Variants in DCDC1 observed in about 807,000 individuals in gnomAD.
DCDC1 encodes the protein doublecortin domain-containing protein 1.
Under a neutral mutation model 178.3 loss-of-function variants are expected in DCDC1, and 200 were observed. The ratio of observed to expected loss-of-function variants is 1.12; its 90% CI spans 1.00 to 1.26. The LOEUF is 1.26. Ranked by LOEUF, DCDC1 falls within the 50% of genes most tolerant of loss-of-function variation. The pLI is 0.00. For synonymous variants in DCDC1, 690 were observed against 604.8 expected (o/e 1.14, Z -2.07); for missense variants, 1,983 against 1,749.2 (o/e 1.13, Z -2.38).
At chr11:31,162,138 A>G (rs1006706741) in intron 9 of DCDC1, among the ~76,000 whole-genome samples, 1 of 152,202 alleles carries the variant, frequency 6.6e-6, no homozygotes, top group African/African-American at 2.4e-5. Flanking sequence ...GTAAGTAAAG[A>G]AACTATGCAT....
chr11:31,020,862 A>T (rs1320348966), intron 20 of DCDC1, among the ~76,000 whole-genome samples: 2 of 152,228 alleles, frequency 1.3e-5, no homozygotes, highest in Middle Eastern at 3.2e-3. Context: ...AAATATTTGT[A>T]ACTCAAATCA....
At chr11:31,086,893 C>A (rs1050634956) in intron 17 of DCDC1, among the ~76,000 whole-genome samples, 1 of 152,076 alleles carries the variant, frequency 6.6e-6, no homozygotes, top group Non-Finnish European at 1.5e-5. Flanking sequence ...ATAATGCTGA[C>A]CCCCTAGAAT....
At chr11:31,086,420 T>A (rs1957478616) in intron 17 of DCDC1, among the ~76,000 whole-genome samples, 1 of 152,196 alleles carries the variant, frequency 6.6e-6, no homozygotes, top group African/African-American at 2.4e-5. Context: ...TTTATCCCCA[T>A]GTTTTCTTGA....
At chr11:31,126,586 G>A (rs768495023) in intron 11 of DCDC1, among the ~76,000 whole-genome samples, 1 of 152,130 alleles carries the variant, frequency 6.6e-6, no homozygotes. Flanking sequence ...CAGAGATGAA[G>A]GTTGATCAAA....
intron 7 of DCDC1, among the ~76,000 whole-genome samples, chr11:31,287,571 C>A (rs1464644595): frequency 6.6e-6 from 1 of 151,872 alleles, no homozygotes; most frequent in Admixed American, 6.6e-5. Flanking sequence ...TGTTTTCATC[C>A]TTTGTGTCAC....
In DCDC1 at chr11:31,017,719, A is replaced by G. The variant is rs117267221; in HGVS notation, c.2591+46750T>C. Among the ~76,000 whole-genome samples the G allele has an allele frequency of 9.7e-3, 1,483 of 152,158 alleles. 13 individuals carry two copies. The highest frequency in any genetic ancestry group is 0.015 in the Admixed American group (234 of 15,288). On this transcript the variant is annotated intron_variant, in intron 20 of 38. Transcript: ENST00000684477. The stretch of plus-strand genomic sequence containing the variant: ...CTCAGCCTCCTGAGTAGCTGGCACT[A>G]CAGGCACACATGCCACCATGCCCAG...
intron 9 of DCDC1, among the ~76,000 whole-genome samples, chr11:31,221,915 C>T (rs1974323466): frequency 1.3e-5 from 2 of 152,120 alleles, no homozygotes; most frequent in Admixed American, 1.3e-4. Flanking sequence ...AGAGGCTCTC[C>T]CAACACTTTG....
intron 8 of DCDC1, among the ~76,000 whole-genome samples, chr11:31,250,778 C>T (rs1219840988): frequency 2.0e-5 from 3 of 149,042 alleles, no homozygotes; most frequent in African/African-American, 7.4e-5. Context: ...TTTTTTGAGA[C>T]GGAGTCTCGC....
chr11:30,937,511 C>T (rs1947349901), intron 21 of DCDC1, among the ~76,000 whole-genome samples: 1 of 152,168 alleles, frequency 6.6e-6, no homozygotes, highest in Non-Finnish European at 1.5e-5. Flanking sequence ...GTCTTAGGAG[C>T]TTTTCACTGC....
At chr11:31,345,294 T>G (rs971790000) in intron 1 of DCDC1, among the ~76,000 whole-genome samples, 2 of 152,196 alleles carry the variant, frequency 1.3e-5, no homozygotes, top group Non-Finnish European at 2.9e-5. Flanking sequence ...GGAAAAACTT[T>G]GTTGAAGAAG....
At chr11:31,256,547 G>A (rs984023377) in intron 8 of DCDC1, among the ~76,000 whole-genome samples, 2 of 152,164 alleles carry the variant, frequency 1.3e-5, no homozygotes, top group African/African-American at 4.8e-5. Flanking sequence ...TGAGACTTAT[G>A]AAGCAGCTTT....
intron 38 of DCDC1, among the ~76,000 whole-genome samples, chr11:30,865,892 C>A (rs1940938408): frequency 6.6e-6 from 1 of 152,044 alleles, no homozygotes; most frequent in Non-Finnish European, 1.5e-5. Context: ...ATGAAGAAGG[C>A]TTGTGTGGGT....
At chr11:31,128,269 CGT>C (rs1053559873) in intron 10 of DCDC1, among the ~76,000 whole-genome samples, 2 of 151,906 alleles carry the variant, frequency 1.3e-5, no homozygotes, top group Non-Finnish European at 2.9e-5. Flanking sequence ...CAAAATAAAA[CGT>C]ATAGTTTTTC....
Position 31,106,809 on chromosome 11 carries a change from C to G in DCDC1, c.1739G>C (p.Gly580Ala), listed in dbSNP as rs781623852. Residue 580 changes from glycine to alanine, a missense_variant, in exon 13 of 39, where the codon GGT becomes GCT. Transcript: ENST00000684477. ...CCCTTGCTCCTACCTGTATGCTCTA[C>G]CATAAGAGACCCAAATTTTTTGCTC... ...KNEQKIWVSY[G>A]RAYRSPLNLA... 2.6e-6 allele frequency: 2 copies of G among 766,218 alleles called. No homozygotes were observed. Among genetic ancestry groups the G allele is most frequent in the Non-Finnish European group, 4.8e-6 (2 of 417,788 alleles). The allele number at this position is 766,218 out of a possible 1,614,324, so 47.5% of individuals were successfully genotyped here.
In DCDC1 at chr11:31,232,121, A is replaced by G. The variant is rs1975845978; in HGVS notation, c.1221+9329T>C. Among the ~76,000 whole-genome samples the G allele has an allele frequency of 1.3e-5, 2 of 152,224 alleles. 1 individual carries two copies. Among genetic ancestry groups the G allele is most frequent in the South Asian group, 4.1e-4 (2 of 4,830 alleles). The stretch of plus-strand genomic sequence containing the variant: ...GCAAATAAAGTTACACATACAATCA[A>G]GAAGTTACACATACAGTGACAGGAT... On this transcript the variant is annotated intron_variant, in intron 9 of 38. Transcript: ENST00000684477.
chr11:31,364,741 A>C (rs950190680), intron 1 of DCDC1, among the ~76,000 whole-genome samples: 3 of 152,116 alleles, frequency 2.0e-5, no homozygotes, highest in Non-Finnish European at 4.4e-5. Flanking sequence ...TAAGACAACC[A>C]ACAAAGGGAA....
At chr11:31,308,831 C>T (rs1467513147) in intron 3 of DCDC1, among the ~76,000 whole-genome samples, 2 of 152,080 alleles carry the variant, frequency 1.3e-5, no homozygotes, top group Admixed American at 6.6e-5. Context: ...TAGTCAGGTT[C>T]CATGTATTAC....
intron 20 of DCDC1, among the ~76,000 whole-genome samples, chr11:31,045,772 T>G (rs1056594556): frequency 5.9e-5 from 9 of 152,168 alleles, no homozygotes; most frequent in African/African-American, 2.2e-4. Context: ...TCCAACTGCA[T>G]GGAGTCTCTG....
chr11:31,315,305 CCTTTTTTTT>C (rs1353611409), intron 3 of DCDC1, among the ~76,000 whole-genome samples: 3 of 111,054 alleles, frequency 2.7e-5, no homozygotes, highest in African/African-American at 6.0e-5. Context: ...ATTTGCATAC[CCTTTTTTTT>C]TTTTTTTTTT....
Sources: gnomAD v4.1 joint callset for allele counts (sites outside exome capture counted in the v4.1 genomes callset) on GRCh38, gnomAD v4.1.1 for gene constraint, MANE v1.5 for transcripts, NCBI Gene and HGNC (gene_info 2026-07-23, HGNC 2026-07-21) for gene names.